Variants in NEGR1 observed in about 807,000 individuals in gnomAD.
NEGR1 encodes IgLON family member 4.
In NEGR1, 10 loss-of-function variants were observed where a neutral mutation model predicts 40.9. The ratio of observed to expected loss-of-function variants is 0.24; its 90% confidence interval spans 0.15 to 0.42. NEGR1 has a LOEUF of 0.42. NEGR1 is among the 10% of genes least tolerant of loss of function. NEGR1 has a pLI of 1.00. For missense variants in NEGR1, 352 were observed against 438.9 expected, an observed-to-expected ratio of 0.80 and a Z score of 1.77; for synonymous variants, 185 against 166.8, an observed-to-expected ratio of 1.11 and a Z score of -0.84.
chr1:71,686,870 T>A (rs1260848239), intron 4 of NEGR1, among the ~76,000 whole-genome samples: 1 of 152,078 alleles, frequency 6.6e-6, no homozygotes, highest in African/African-American at 2.4e-5. Context: ...CCTTTTGACA[T>A]CCACAGGGAA....
chr1:72,196,102 A>G (rs1370621616), intron 1 of NEGR1, among the ~76,000 whole-genome samples: 1 of 152,040 alleles, frequency 6.6e-6, no homozygotes, highest in Non-Finnish European at 1.5e-5. Context: ...AGAAGTAAAA[A>G]GGAGATTCCT....
chr1:71,524,315 A>AGTGTGTGTGTGTGTGTGTGT (rs60790381), intron 6 of NEGR1, among the ~76,000 whole-genome samples: 2 of 140,566 alleles, frequency 1.4e-5, no homozygotes, highest in Admixed American at 7.2e-5. Context: ...TTTAAATAGG[A>AGTGTGTGTGTGTGTGTGTGT]GTGTGTGTGT....
intron 1 of NEGR1, among the ~76,000 whole-genome samples, chr1:72,199,142 T>TAGATAGAGAG (rs1268615373): frequency 1.8e-4 from 26 of 143,160 alleles, no homozygotes; most frequent in Non-Finnish European, 3.5e-4. Flanking sequence ...TCTATCTAGA[T>TAGATAGAGAG]AGACAGACAG....
chr1:71,637,363 C>T (rs1303607216), intron 4 of NEGR1, among the ~76,000 whole-genome samples: 1 of 151,816 alleles, frequency 6.6e-6, no homozygotes, highest in Non-Finnish European at 1.5e-5. Context: ...CATGTTATTG[C>T]TTGAGTATAT....
At chr1:72,207,160 T>G (rs1162538645) in intron 1 of NEGR1, among the ~76,000 whole-genome samples, 2 of 150,560 alleles carry the variant, frequency 1.3e-5, no homozygotes, top group Non-Finnish European at 3.0e-5. Flanking sequence ...AAAAGAAAAG[T>G]TAAAAAAAAA....
chr1:71,479,722 A>T (rs1362712490), intron 6 of NEGR1, among the ~76,000 whole-genome samples: 1 of 151,984 alleles, frequency 6.6e-6, no homozygotes, highest in Admixed American at 6.6e-5. Flanking sequence ...TAGGTATTAG[A>T]TCTACTTTAA....
At chr1:71,745,115 G>T (rs893115788) in intron 3 of NEGR1, among the ~76,000 whole-genome samples, 1 of 151,672 alleles carries the variant, frequency 6.6e-6, no homozygotes, top group African/African-American at 2.4e-5. Context: ...CTTTTTTTGA[G>T]GTCCTACAAA....
At chr1:71,643,981 A>G (rs1386809006) in intron 4 of NEGR1, among the ~76,000 whole-genome samples, 1 of 152,000 alleles carries the variant, frequency 6.6e-6, no homozygotes, top group Non-Finnish European at 1.5e-5. Context: ...TGCCACAGAG[A>G]AAGAAACCCC....
At chr1:71,556,368 G>A (rs11807398) in intron 6 of NEGR1, among the ~76,000 whole-genome samples, 34 of 151,508 alleles carry the variant, frequency 2.2e-4, no homozygotes, top group Non-Finnish European at 5.9e-5. Context: ...TTGCTGAAGA[G>A]AGAGGTACAC....
At chr1:72,010,693 C>T (rs993578986) in intron 1 of NEGR1, among the ~76,000 whole-genome samples, 1 of 150,512 alleles carries the variant, frequency 6.6e-6, no homozygotes, top group Non-Finnish European at 1.5e-5. Context: ...TTGTGTGCTA[C>T]TCAAGGGAAA....
chr1:72,032,498 TATTA>T (rs2100441462), intron 1 of NEGR1, among the ~76,000 whole-genome samples: 1 of 152,332 alleles, frequency 6.6e-6, no homozygotes, highest in South Asian at 2.1e-4. Flanking sequence ...CTCTTCTCAG[TATTA>T]ATTAGTCATT....
intron 6 of NEGR1, among the ~76,000 whole-genome samples, chr1:71,573,226 T>C (rs1648860867): frequency 6.6e-6 from 1 of 152,064 alleles, no homozygotes; most frequent in South Asian, 2.1e-4. Flanking sequence ...AGAGGAAAAT[T>C]GGGGAGGGAA....
At chr1:71,782,628 G>A (rs1408345514) in intron 2 of NEGR1, among the ~76,000 whole-genome samples, 1 of 152,052 alleles carries the variant, frequency 6.6e-6, no homozygotes, top group Non-Finnish European at 1.5e-5. Context: ...GACACATACA[G>A]GTTATTCAAT....
chr1:71,406,034 ACTTAT>A lies in NEGR1; in HGVS notation c.*1407_*1411del, dbSNP rs138454934. The stretch of plus-strand genomic sequence containing the variant: ...TAACATTCACAATAATTTGATAATT[ACTTAT>A]CTTAAGATATTCTCATCACTGGTGT... On this transcript the variant is annotated 3_prime_UTR_variant, in exon 7 of 7. Coordinates refer to ENST00000357731, the MANE Select transcript of NEGR1 (RefSeq NM_173808.3). The A allele has an allele frequency of 1.0e-3, 160 of 152,392 alleles. 1 individual carries two copies. The highest frequency in any genetic ancestry group is 3.7e-3 in the African/African-American group (152 of 41,536). The allele number at this position is 152,392 out of a possible 1,614,324, so 9.4% of individuals were successfully genotyped here.
intron 6 of NEGR1, among the ~76,000 whole-genome samples, chr1:71,554,734 T>G (rs1032652780): frequency 6.6e-6 from 1 of 151,540 alleles, no homozygotes; most frequent in Non-Finnish European, 1.5e-5. Flanking sequence ...ATTATTTCTC[T>G]TAATCAAAGA....
At chr1:71,738,021 T>A (rs187201871) in intron 3 of NEGR1, among the ~76,000 whole-genome samples, 1 of 152,310 alleles carries the variant, frequency 6.6e-6, no homozygotes, top group East Asian at 1.9e-4. Flanking sequence ...CAGCCCATGC[T>A]GAAGTAATGA....
At chr1:72,019,551 A>T (rs2100417881) in intron 1 of NEGR1, among the ~76,000 whole-genome samples, 1 of 152,344 alleles carries the variant, frequency 6.6e-6, no homozygotes, top group Non-Finnish European at 1.5e-5. Flanking sequence ...GACAGGAATG[A>T]ACCCTTGATC....
At chr1:71,768,527 AACTT>A (rs940402101) in intron 3 of NEGR1, among the ~76,000 whole-genome samples, 11 of 152,192 alleles carry the variant, frequency 7.2e-5, no homozygotes, top group African/African-American at 2.7e-4. Context: ...GCAAGTAACT[AACTT>A]CTTTTTGATT....
intron 4 of NEGR1, among the ~76,000 whole-genome samples, chr1:71,622,395 T>A (rs1029241822): frequency 1.3e-5 from 2 of 151,958 alleles, no homozygotes; most frequent in Non-Finnish European, 2.9e-5. Flanking sequence ...TTACAAATCC[T>A]AAAATATTTG....
Sources: allele counts gnomAD v4.1 joint callset (sites outside exome capture counted in the v4.1 genomes callset), GRCh38; gene constraint gnomAD v4.1.1; transcripts MANE v1.5; gene names NCBI Gene and HGNC (gene_info 2026-07-23, HGNC 2026-07-21).